Variants in WNK2 observed in about 807,000 individuals in gnomAD.
WNK2 encodes serine/threonine-protein kinase WNK2.
In WNK2, 67 loss-of-function variants were observed where a neutral mutation model predicts 192.1. The observed-to-expected ratio is 0.35, with a 90% confidence interval of 0.29 to 0.43. The LOEUF (loss-of-function observed/expected upper bound fraction) is 0.43, where lower values mean the gene tolerates loss of function less well. Among genes scored for constraint, WNK2 ranks in the 20% least tolerant of loss-of-function variants. The pLI is 1.00. For synonymous variants in WNK2, 1,439 were observed against 1,393.9 expected, an observed-to-expected ratio of 1.03 and a Z score of -0.72; for missense variants, 2,698 against 3,089.7, an observed-to-expected ratio of 0.87 and a Z score of 3.01.
intron 16 of WNK2, among the ~76,000 whole-genome samples, chr9:93,265,885 C>T (rs1443734792): frequency 6.6e-6 from 1 of 152,214 alleles, no homozygotes; most frequent in African/African-American, 2.4e-5. Flanking sequence ...GTAAGTCCTG[C>T]ACAGTAAGCA....
At chr9:93,311,613 T>TTTG (rs1554755232) in intron 28 of WNK2, among the ~76,000 whole-genome samples, 5 of 146,076 alleles carry the variant, frequency 3.4e-5, no homozygotes, top group African/African-American at 1.0e-4. Flanking sequence ...GTTTTTTTGT[T>TTTG]TGTGTGTGTG....
intron 29 of WNK2, chr9:93,318,967 T>C: frequency 1.4e-6 from 2 of 1,454,264 alleles, no homozygotes; most frequent in Non-Finnish European, 1.8e-6. Flanking sequence ...ATTCCATCAA[T>C]TCAGTTAGAA....
At chr9:93,214,919 G>A (rs1203164785) in intron 2 of WNK2, among the ~76,000 whole-genome samples, 15 of 151,692 alleles carry the variant, frequency 9.9e-5, no homozygotes, top group African/African-American at 3.6e-4. Context: ...GCCTTGCTCT[G>A]TCACCCAGGC....
chr9:93,319,429 C>T (rs979159993), intron 29 of WNK2: 8 of 983,536 alleles, frequency 8.1e-6, no homozygotes, highest in African/African-American at 5.2e-5. Flanking sequence ...ACACTGCCCC[C>T]GCCAGCTGTG....
chr9:93,262,328 C>T (rs1844413861), intron 13 of WNK2, among the ~76,000 whole-genome samples: 1 of 152,222 alleles, frequency 6.6e-6, no homozygotes, highest in Non-Finnish European at 1.5e-5. Context: ...GGATGCTTTC[C>T]CTGGGACAGG....
rs1257080204 is a variant in WNK2 at position 93,261,949 on chromosome 9, C to G, written c.3202C>G (p.Gln1068Glu). 6.2e-7 allele frequency: 1 copy of G among 1,611,436 alleles called. No homozygotes were observed. The part of the protein sequence containing the change: ...LLPAAPELLP[Q>E]FPSSLATVSA... ...GCCTGCCGCCCCTGAGCTCCTGCCT[C>G]AGTTCCCCAGCTCCCTGGCCACGGT... is the stretch of plus-strand genomic sequence containing the variant. The change falls in exon 13 of 30, where the codon CAG becomes GAG. Residue 1068 changes from glutamine (Q) to glutamate (E), a missense_variant. Coordinates refer to ENST00000427277, the MANE Select transcript of WNK2 (RefSeq NM_006648.4).
chr9:93,272,723 A>G (rs1846175027), intron 19 of WNK2, among the ~76,000 whole-genome samples: 1 of 133,996 alleles, frequency 7.5e-6, no homozygotes, highest in Non-Finnish European at 1.6e-5. Flanking sequence ...GGGCAACAAG[A>G]GCGAAACTCC....
At chr9:93,302,812 C>T (rs1381050497) in intron 26 of WNK2, among the ~76,000 whole-genome samples, 1 of 152,218 alleles carries the variant, frequency 6.6e-6, no homozygotes, top group African/African-American at 2.4e-5. Context: ...TGCTTAGAAC[C>T]CCTGTGAGCT....
chr9:93,277,760 A>G (rs887834852), intron 19 of WNK2, among the ~76,000 whole-genome samples: 9 of 152,210 alleles, frequency 5.9e-5, no homozygotes, highest in Admixed American at 6.5e-5. Flanking sequence ...TTGTGGTGGT[A>G]ACTAAATGGA....
At position 93,317,618 on chromosome 9, in the gene WNK2, C is replaced by T. The variant is rs147951991; in HGVS notation, c.6615C>T (p.Ser2205=). 981 of 1,613,036 alleles carry T rather than the reference C, an allele frequency of 6.1e-4. 7 individuals carry two copies. Among genetic ancestry groups the T allele is most frequent in the South Asian group, 3.4e-3 (308 of 91,080 alleles). The change falls in exon 29 of 30, where the codon TCC becomes TCT. Residue 2205 remains serine (S), a synonymous_variant. Coordinates refer to ENST00000427277, the MANE Select transcript of WNK2 (RefSeq NM_006648.4). ...TVIPGAAPTL[S]VPTPDPESEK... ...TTCCCGGAGCCGCCCCGACCCTGTC[C>T]GTGCCCACACCAGGTACTGCCCTCT...
chr9:93,272,738 C>CAAAAAAAAAAAAAAA (rs35641750), intron 19 of WNK2, among the ~76,000 whole-genome samples: 3 of 90,800 alleles, frequency 3.3e-5, no homozygotes, highest in African/African-American at 1.0e-4. Flanking sequence ...AACTCCGTCT[C>CAAAAAAAAAAAAAAA]AAAAAAAAAA....
At chr9:93,270,808 C>T (rs565580175) in intron 19 of WNK2, among the ~76,000 whole-genome samples, 1 of 152,306 alleles carries the variant, frequency 6.6e-6, no homozygotes, top group East Asian at 1.9e-4. Flanking sequence ...GGAGCCAAAA[C>T]AGTGAGAGCA....
At chr9:93,286,579 C>G (rs913717361) in intron 19 of WNK2, among the ~76,000 whole-genome samples, 8 of 152,186 alleles carry the variant, frequency 5.3e-5, no homozygotes, top group Non-Finnish European at 1.0e-4. Flanking sequence ...TAAATTACTA[C>G]AACCATTATG....
Position 93,320,376 on chromosome 9 carries a change from G to T in WNK2, c.6638G>T (p.Ser2213Ile). The T allele has an allele frequency of 7.3e-7, 1 of 1,367,642 alleles. No individual in the cohort carries two copies. Among genetic ancestry groups the T allele is most frequent in the Non-Finnish European group, 9.8e-7 (1 of 1,021,816 alleles). The allele number at this position is 1,367,642 out of a possible 1,614,324, so 84.7% of individuals were successfully genotyped here. A position where few individuals can be genotyped will look rare whatever the true frequency, so the allele number is the denominator to read the frequency against. The change falls in exon 30 of 30, where the codon AGT (serine) becomes ATT (isoleucine). Residue 2213 changes from serine (S) to isoleucine (I), a missense_variant. By Grantham distance (142) the Ser-to-Ile change is moderately radical. Coordinates refer to ENST00000427277, the MANE Select transcript of WNK2 (RefSeq NM_006648.4). ...CGGTTTTGTTTTCCAGATCCTGAGA[G>T]TGAGAAGCCTGACTGACCCCGCCTA... ...TLSVPTPDPE[S>I]EKPD
intron 26 of WNK2, among the ~76,000 whole-genome samples, chr9:93,301,430 A>G (rs1263539342): frequency 6.6e-6 from 1 of 152,188 alleles, no homozygotes; most frequent in Non-Finnish European, 1.5e-5. Context: ...AGGGCCATGT[A>G]GGAATGCCAG....
At chr9:93,286,472 C>T (rs1185504552) in intron 19 of WNK2, among the ~76,000 whole-genome samples, 1 of 152,174 alleles carries the variant, frequency 6.6e-6, no homozygotes, top group Non-Finnish European at 1.5e-5. Flanking sequence ...GAGCTATCAC[C>T]TCACACCTGT....
chr9:93,298,590 C>T (rs915669678), intron 24 of WNK2, among the ~76,000 whole-genome samples: 6 of 152,304 alleles, frequency 3.9e-5, no homozygotes, highest in African/African-American at 1.4e-4. Context: ...CCTGAGGCCT[C>T]CTGAGCAGCA....
intron 19 of WNK2, among the ~76,000 whole-genome samples, chr9:93,286,114 C>T (rs968733090): frequency 6.6e-5 from 10 of 152,050 alleles, no homozygotes; most frequent in Admixed American, 3.9e-4. Flanking sequence ...AGAACACATA[C>T]GTTAAAGTTC....
chr9:93,204,159 G>A (rs904360609), intron 2 of WNK2, among the ~76,000 whole-genome samples: 22 of 152,228 alleles, frequency 1.4e-4, no homozygotes, highest in Admixed American at 1.4e-3. Context: ...GTGGGTACTA[G>A]GGAGCCACTG....
Sources: gnomAD v4.1 joint callset for allele counts (sites outside exome capture counted in the v4.1 genomes callset) on GRCh38, gnomAD v4.1.1 for gene constraint, MANE v1.5 for transcripts, NCBI Gene and HGNC (gene_info 2026-07-23, HGNC 2026-07-21) for gene names.